Variants in FHOD3 observed in about 807,000 individuals in gnomAD.
FHOD3 encodes the protein FH1/FH2 domain-containing protein 3.
Under a neutral mutation model 173.0 loss-of-function variants are expected in FHOD3, and 90 were observed. That is an observed-to-expected ratio of 0.52 (90% CI 0.44 to 0.62). The LOEUF (loss-of-function observed/expected upper bound fraction) is 0.62, where lower values mean the gene tolerates loss of function less well. FHOD3 is among the 20% of genes least tolerant of loss of function. The probability of loss-of-function intolerance (pLI) is 0.00; values close to 1 mark genes in which losing one functional copy is unlikely to be tolerated. For synonymous variants in FHOD3, 828 were observed against 823.0 expected (o/e 1.01, Z -0.10); for missense variants, 1,945 against 2,034.7 (o/e 0.96, Z 0.85).
chr18:36,676,772 A>G (rs1032926744), intron 14 of FHOD3, among the ~76,000 whole-genome samples: 4 of 152,188 alleles, frequency 2.6e-5, no homozygotes, highest in African/African-American at 9.7e-5. Context: ...CCTGATTTCT[A>G]GTGAAGATGA....
intron 5 of FHOD3, among the ~76,000 whole-genome samples, chr18:36,520,132 T>C (rs1839230706): frequency 1.3e-5 from 2 of 152,046 alleles, no homozygotes; most frequent in South Asian, 4.2e-4. Flanking sequence ...TAATATTTTT[T>C]ATTTTTTGTA....
intron 10 of FHOD3, among the ~76,000 whole-genome samples, chr18:36,627,394 G>A (rs2034191174): frequency 6.6e-6 from 1 of 152,118 alleles, no homozygotes; most frequent in Non-Finnish European, 1.5e-5. Flanking sequence ...TTCCTGTGTT[G>A]TGAGTTCAGG....
At chr18:36,489,662 A>G (rs895627811) in intron 3 of FHOD3, among the ~76,000 whole-genome samples, 1 of 152,134 alleles carries the variant, frequency 6.6e-6, no homozygotes, top group Non-Finnish European at 1.5e-5. Context: ...ACAGAGTGAG[A>G]CCCTGTCTCA....
At chr18:36,470,442 A>C (rs545856917) in intron 3 of FHOD3, among the ~76,000 whole-genome samples, 5 of 152,150 alleles carry the variant, frequency 3.3e-5, no homozygotes, top group Non-Finnish European at 5.9e-5. Flanking sequence ...AGCTTTGTTG[A>C]GATGTTTCTG....
At chr18:36,365,844 T>C (rs1053912956) in intron 2 of FHOD3, among the ~76,000 whole-genome samples, 4 of 152,162 alleles carry the variant, frequency 2.6e-5, no homozygotes, top group Non-Finnish European at 1.5e-5. Flanking sequence ...GTCTGCCTCA[T>C]GTCTTGTTGA....
intron 1 of FHOD3, among the ~76,000 whole-genome samples, chr18:36,354,903 C>T (rs913443429): frequency 5.3e-5 from 8 of 152,032 alleles, no homozygotes; most frequent in East Asian, 1.9e-4. Context: ...CACTTGAACC[C>T]GGGAGGTGGA....
At chr18:36,721,707 T>C (rs1319621328) in intron 19 of FHOD3, among the ~76,000 whole-genome samples, 1 of 152,222 alleles carries the variant, frequency 6.6e-6, no homozygotes, top group Non-Finnish European at 1.5e-5. Context: ...ATTTTGCATA[T>C]GTTACCACTG....
At position 36,556,039 on chromosome 18, in the gene FHOD3, A is replaced by G. The variant is rs373613662; in HGVS notation, c.512-20412A>G. Among the ~76,000 whole-genome samples, 6 of 152,244 alleles carry G rather than the reference A, an allele frequency of 3.9e-5. No homozygotes were observed. The East Asian group carries it at 1.2e-3, about 29-fold the overall frequency. The stretch of plus-strand genomic sequence containing the variant: ...TAGATCTTTTATATTTATTGTGACT[A>G]ATGATATGGTTAGGTTTAAACCTGT... On this transcript the variant is annotated intron_variant, in intron 5 of 28. Coordinates refer to ENST00000590592, the MANE Select transcript of FHOD3 (RefSeq NM_001281740.3).
chr18:36,533,660 G>T (rs1244457794), intron 5 of FHOD3, among the ~76,000 whole-genome samples: 1 of 152,176 alleles, frequency 6.6e-6, no homozygotes, highest in Non-Finnish European at 1.5e-5. Context: ...TGCGGAATCT[G>T]GAGGCCTTCT....
chr18:36,421,310 T>C (rs1427502526), intron 3 of FHOD3, among the ~76,000 whole-genome samples: 4 of 152,210 alleles, frequency 2.6e-5, no homozygotes, highest in Non-Finnish European at 5.9e-5. Flanking sequence ...AAAGATACTT[T>C]TGAATTTACC....
intron 3 of FHOD3, among the ~76,000 whole-genome samples, chr18:36,421,335 G>A (rs2049973901): frequency 6.6e-6 from 1 of 152,160 alleles, no homozygotes; most frequent in Non-Finnish European, 1.5e-5. Context: ...ATTCATTCAA[G>A]CAGTCACCAA....
intron 10 of FHOD3, among the ~76,000 whole-genome samples, chr18:36,645,432 A>G (rs1054172092): frequency 2.0e-5 from 3 of 152,108 alleles, no homozygotes; most frequent in African/African-American, 4.8e-5. Flanking sequence ...TGTCTCAAAA[A>G]AAAAGGAAGG....
chr18:36,611,412 C>G (rs1350881926), intron 8 of FHOD3, among the ~76,000 whole-genome samples: 1 of 152,156 alleles, frequency 6.6e-6, no homozygotes, highest in African/African-American at 2.4e-5. Flanking sequence ...GGACTGAAGT[C>G]TCATCTGAGA....
At chr18:36,627,424 G>T (rs569488356) in intron 10 of FHOD3, among the ~76,000 whole-genome samples, 76 of 152,254 alleles carry the variant, frequency 5.0e-4, no homozygotes, top group Admixed American at 9.2e-4. Flanking sequence ...TTTGCAATAG[G>T]CTGGTAAGGA....
intron 18 of FHOD3, among the ~76,000 whole-genome samples, chr18:36,715,603 C>G (rs892475260): frequency 6.6e-6 from 1 of 152,160 alleles, no homozygotes; most frequent in African/African-American, 2.4e-5. Context: ...AAAACAAACC[C>G]AAATCCTGTT....
intron 17 of FHOD3, among the ~76,000 whole-genome samples, chr18:36,697,297 C>T (rs1242970440): frequency 6.6e-6 from 1 of 152,176 alleles, no homozygotes; most frequent in East Asian, 1.9e-4. Context: ...AGAGCTAGAA[C>T]TATGTTCCCT....
intron 5 of FHOD3, among the ~76,000 whole-genome samples, chr18:36,558,377 T>A (rs969644830): frequency 2.0e-5 from 3 of 152,214 alleles, no homozygotes; most frequent in African/African-American, 7.2e-5. Flanking sequence ...TGCTGTCTAG[T>A]GTCTTGAAAA....
intron 7 of FHOD3, 35 bp downstream of exon 7, chr18:36,594,933 G>A: frequency 7.1e-7 from 1 of 1,405,432 alleles, no homozygotes; most frequent in East Asian, 2.3e-5. Context: ...TCATGAAGGT[G>A]AAGGTGTCTA....
At chr18:36,671,864 A>G (rs2037556169) in intron 14 of FHOD3, among the ~76,000 whole-genome samples, 1 of 152,228 alleles carries the variant, frequency 6.6e-6, no homozygotes. Context: ...GCCAGAAACA[A>G]TGTTCATTCA....
Sources: gnomAD v4.1 joint callset for allele counts (sites outside exome capture counted in the v4.1 genomes callset) on GRCh38, gnomAD v4.1.1 for gene constraint, MANE v1.5 for transcripts, NCBI Gene and HGNC (gene_info 2026-07-23, HGNC 2026-07-21) for gene names.